Variants in ANXA4 observed in about 807,000 individuals in gnomAD.
The protein encoded by ANXA4 is 35-beta calcimedin.
A neutral mutation model predicts 49.8 loss-of-function variants in ANXA4; 39 were observed. That is an observed-to-expected ratio of 0.78 (90% CI 0.61 to 1.02). The LOEUF is 1.02. Among genes scored for constraint, ANXA4 ranks in the 50% least tolerant of loss-of-function variants. The pLI, the probability that ANXA4 is intolerant of heterozygous loss-of-function variation, is 0.00. For missense variants in ANXA4, 360 were observed against 410.1 expected (o/e 0.88, Z 1.05); for synonymous variants, 134 against 152.5 (o/e 0.88, Z 0.89).
chr2:69,739,356 C>A (rs1670324796), upstream of ANXA4, among the ~76,000 whole-genome samples: 1 of 151,736 alleles, frequency 6.6e-6, no homozygotes, highest in Non-Finnish European at 1.5e-5. Context: ...TTTTTCCTCT[C>A]TTGTTCCCTT....
At chr2:69,647,388 T>TTTTATTTTA (rs1553425497) in intron 1 of ANXA4, among the ~76,000 whole-genome samples, 12 of 145,948 alleles carry the variant, frequency 8.2e-5, no homozygotes, top group African/African-American at 2.8e-4. Flanking sequence ...TTTATTTTTA[T>TTTTATTTTA]TTTATTTATT....
intron 1 of ANXA4, among the ~76,000 whole-genome samples, chr2:69,758,627 A>T (rs1269471189): frequency 6.6e-6 from 1 of 152,254 alleles, no homozygotes; most frequent in East Asian, 1.9e-4. Flanking sequence ...GTTTCTTAAA[A>T]AAATAAAAAT....
chr2:69,742,970 C>T (rs758611357), intron 1 of ANXA4, among the ~76,000 whole-genome samples: 1 of 152,142 alleles, frequency 6.6e-6, no homozygotes, highest in Non-Finnish European at 1.5e-5. Context: ...GTCCATGACA[C>T]CCCACCACCC....
chr2:69,749,292 C>T (rs62133984), intron 1 of ANXA4, among the ~76,000 whole-genome samples: 32,836 of 151,906 alleles, frequency 0.22, 3,889 homozygotes, highest in East Asian at 0.3. Context: ...AGACTTTAGT[C>T]AGATAAGGGA....
At chr2:69,686,172 G>A (rs1278469871) in intron 2 of ANXA4, among the ~76,000 whole-genome samples, 2 of 151,654 alleles carry the variant, frequency 1.3e-5, no homozygotes, top group African/African-American at 4.9e-5. Flanking sequence ...TCGAGACAGG[G>A]TCTTGTTTTG....
upstream of ANXA4, chr2:69,643,889 G>T: frequency 8.5e-7 from 1 of 1,171,978 alleles, no homozygotes; most frequent in Non-Finnish European, 1.1e-6. Context: ...GGATGGGAAG[G>T]AGTCGACCGC....
At chr2:69,643,845 G>C, upstream of ANXA4, 1 of 1,180,462 alleles carries the variant, frequency 8.5e-7, no homozygotes, top group Non-Finnish European at 1.0e-6. Context: ...GCGAGGGACC[G>C]GGGCCTCTCC....
intron 4 of ANXA4, 109 bp downstream of exon 4, chr2:69,804,736 C>A: frequency 1.0e-6 from 1 of 977,610 alleles, no homozygotes. Context: ...AAAGATCGAT[C>A]CTTTGTCTTG....
At chr2:69,757,440 GTT>G (rs1196253828) in intron 1 of ANXA4, among the ~76,000 whole-genome samples, 2 of 108,060 alleles carry the variant, frequency 1.9e-5, no homozygotes, top group Non-Finnish European at 4.1e-5. Flanking sequence ...CTAATTTTTT[GTT>G]TTTTTTTTTT....
Position 69,812,678 on chromosome 2 carries a change from T to C in ANXA4, c.503T>C (p.Leu168Pro). The part of the protein sequence containing the change: ...SAGGRDEGNY[L>P]DDALVRQDAQ... Reference sequence around the variant, plus strand: ...GGTGGGAGGGATGAAGGAAATTATCTGGACGATGCTCTCGTGAGACAGGAT... The same window carrying C: ...GGTGGGAGGGATGAAGGAAATTATCCGGACGATGCTCTCGTGAGACAGGAT... Residue 168 changes from leucine to proline, a missense_variant, in exon 8 of 13, where the codon CTG becomes CCG. By Grantham distance (98) the Leu-to-Pro change is moderately conservative. Transcript: ENST00000394295. 1 of 1,614,160 alleles carries C rather than the reference T, an allele frequency of 6.2e-7. No homozygotes were observed. The highest frequency in any genetic ancestry group is 8.5e-7 in the Non-Finnish European group (1 of 1,179,986).
intron 2 of ANXA4, among the ~76,000 whole-genome samples, chr2:69,716,668 G>A (rs79798755): frequency 0.058 from 8,765 of 152,142 alleles, 873 homozygotes; most frequent in African/African-American, 0.2. Context: ...CACAACAGGA[G>A]GGCAGCGGAT....
At chr2:69,809,215 T>G (rs1203700139) in intron 6 of ANXA4, 1 of 152,180 alleles carries the variant, frequency 6.6e-6, no homozygotes. Flanking sequence ...TTCTTTTTAC[T>G]TATTTGTTTT....
chr2:69,778,804 G>C (rs956445331), intron 1 of ANXA4, among the ~76,000 whole-genome samples: 2 of 97,740 alleles, frequency 2.0e-5, no homozygotes, highest in African/African-American at 7.7e-5. Flanking sequence ...AAAAAAAAAA[G>C]AGAAATCAGA....
chr2:69,731,893 G>A (rs1353162881), intron 3 of ANXA4, among the ~76,000 whole-genome samples: 1 of 151,856 alleles, frequency 6.6e-6, no homozygotes, highest in Admixed American at 6.6e-5. Context: ...TTTGGGGAAG[G>A]AAAGAAAGGG....
At chr2:69,745,534 A>G (rs888239785) in intron 1 of ANXA4, among the ~76,000 whole-genome samples, 1 of 151,610 alleles carries the variant, frequency 6.6e-6, no homozygotes, top group African/African-American at 2.4e-5. Flanking sequence ...TATTTTTTTT[A>G]TTTTTTTATT....
At chr2:69,778,546 C>T (rs868615246) in intron 1 of ANXA4, among the ~76,000 whole-genome samples, 19 of 152,144 alleles carry the variant, frequency 1.2e-4, no homozygotes, top group African/African-American at 3.9e-4. Context: ...GAGGCCGAGG[C>T]GGGCAGATCA....
chr2:69,659,557 T>C (rs1360322429), intron 2 of ANXA4, among the ~76,000 whole-genome samples: 2 of 152,230 alleles, frequency 1.3e-5, no homozygotes, highest in South Asian at 4.1e-4. Flanking sequence ...ATGCTTTTGT[T>C]ACTATGTATG....
intron 11 of ANXA4, among the ~76,000 whole-genome samples, chr2:69,820,074 GAA>G (rs201509115): frequency 3.0e-4 from 36 of 119,070 alleles, no homozygotes; most frequent in African/African-American, 4.4e-4. Context: ...TCTCAAAAAA[GAA>G]AAAAAAAAAA....
rs1232979654 is a variant in ANXA4 at position 69,814,777 on chromosome 2, TGTGTGTGTGTGTGTGTG to T, written c.535-1323_535-1307del. The T allele has an allele frequency of 7.4e-3, 757 of 101,694 alleles. 13 individuals carry two copies. Among genetic ancestry groups the T allele is most frequent in the African/African-American group, 0.054 (727 of 13,580 alleles). 6.3% of individuals were successfully genotyped at this position (101,694 alleles called of 1,614,324 possible). A position where few individuals can be genotyped will look rare whatever the true frequency, so the allele number is the denominator to read the frequency against. On this transcript the variant is annotated intron_variant, in intron 8 of 12. Coordinates refer to ENST00000394295, the MANE Select transcript of ANXA4 (RefSeq NM_001153.5). ...GTGTGTGTGTGTGTGTGTGTGTGTGTGTGTGTGTGTGTGTGTGAGAGAAAGAGAGAGAGGATGGAGTT... is the reference window on the plus strand; with the variant it reads ...GTGTGTGTGTGTGTGTGTGTGTGTGTAGAGAAAGAGAGAGAGGATGGAGTT...
Sources: allele counts gnomAD v4.1 joint callset (sites outside exome capture counted in the v4.1 genomes callset), GRCh38; gene constraint gnomAD v4.1.1; transcripts MANE v1.5; gene names NCBI Gene and HGNC (gene_info 2026-07-23, HGNC 2026-07-21).